Variants in DGKI observed in about 807,000 individuals in gnomAD.
DGKI encodes diacylglycerol kinase iota.
In DGKI, 55 loss-of-function variants were observed where a neutral mutation model predicts 147.5. That is an observed-to-expected ratio of 0.37 (90% CI 0.30 to 0.47). DGKI has a LOEUF of 0.47. Among genes scored for constraint, DGKI ranks in the 20% least tolerant of loss-of-function variants. The probability of loss-of-function intolerance (pLI) is 1.00; values close to 1 mark genes in which losing one functional copy is unlikely to be tolerated. For missense variants in DGKI, 1,007 were observed against 1,323.8 expected, an observed-to-expected ratio of 0.76 and a Z score of 3.71; for synonymous variants, 469 against 477.1, an observed-to-expected ratio of 0.98 and a Z score of 0.22.
intron 27 of DGKI, among the ~76,000 whole-genome samples, chr7:137,460,124 A>G (rs988043509): frequency 2.6e-5 from 4 of 152,140 alleles, no homozygotes; most frequent in Non-Finnish European, 4.4e-5. Flanking sequence ...CCCCAAGTTG[A>G]CTGGGGCTTT....
In DGKI at chr7:137,492,563, G is replaced by A. The variant is rs553569730; in HGVS notation, c.2249-4874C>T. On this transcript the variant is annotated intron_variant, in intron 21 of 32. Coordinates refer to ENST00000614521, the MANE Select transcript of DGKI (RefSeq NM_001321708.2). Reference sequence around the variant, plus strand: ...ACCATGGACTTATAGAATCCTGGCAGGAGGAGACCACAAGACCCCCACAGA... The same window carrying A: ...ACCATGGACTTATAGAATCCTGGCAAGAGGAGACCACAAGACCCCCACAGA... Among the ~76,000 whole-genome samples, 383 of 152,220 alleles carry A rather than the reference G, an allele frequency of 2.5e-3. 9 individuals are homozygous for A. The highest frequency in any genetic ancestry group is 3.1e-4 in the Non-Finnish European group (21 of 68,008).
intron 8 of DGKI, among the ~76,000 whole-genome samples, chr7:137,614,501 A>AT (rs1820466525): frequency 6.6e-6 from 1 of 152,160 alleles, no homozygotes; most frequent in African/African-American, 2.4e-5. Flanking sequence ...AAACACTGAC[A>AT]TTTGTAACTT....
At chr7:137,547,855 G>A (rs904047886) in intron 20 of DGKI, among the ~76,000 whole-genome samples, 7 of 152,320 alleles carry the variant, frequency 4.6e-5, no homozygotes, top group South Asian at 2.1e-4. Context: ...AGGAATAGTA[G>A]CATTTCAATG....
At chr7:137,708,499 A>C (rs1296098109) in intron 1 of DGKI, among the ~76,000 whole-genome samples, 1 of 152,190 alleles carries the variant, frequency 6.6e-6, no homozygotes, top group East Asian at 1.9e-4. Flanking sequence ...TCAGCTTTGG[A>C]ACTTGGTTGT....
intron 8 of DGKI, among the ~76,000 whole-genome samples, chr7:137,618,663 G>T (rs914671503): frequency 1.3e-5 from 2 of 151,992 alleles, no homozygotes; most frequent in African/African-American, 4.8e-5. Context: ...ATGTTAAAGA[G>T]ATTTAAAAAT....
chr7:137,637,219 G>A (rs146017632), intron 6 of DGKI, among the ~76,000 whole-genome samples: 1 of 152,090 alleles, frequency 6.6e-6, no homozygotes, highest in African/African-American at 2.4e-5. Context: ...CTTCCTTACC[G>A]GTGTCACTTC....
At chr7:137,634,725 G>C (rs963318074) in intron 6 of DGKI, among the ~76,000 whole-genome samples, 2 of 152,136 alleles carry the variant, frequency 1.3e-5, no homozygotes, top group Non-Finnish European at 2.9e-5. Flanking sequence ...ACTGAATGAC[G>C]AGCTCAAAGA....
chr7:137,671,750 T>C (rs1822849432), intron 3 of DGKI, among the ~76,000 whole-genome samples: 1 of 152,178 alleles, frequency 6.6e-6, no homozygotes, highest in Non-Finnish European at 1.5e-5. Flanking sequence ...CTCAATTCAT[T>C]CACTTTCTCA....
At chr7:137,656,142 T>C (rs1335554623) in intron 4 of DGKI, among the ~76,000 whole-genome samples, 1 of 152,242 alleles carries the variant, frequency 6.6e-6, no homozygotes, top group Non-Finnish European at 1.5e-5. Flanking sequence ...AAACAGCTTG[T>C]GGAACAGCCT....
At position 137,629,484 on chromosome 7, in the gene DGKI, C is replaced by T. The variant is rs889921224; in HGVS notation, c.805-5930G>A. The stretch of plus-strand genomic sequence containing the variant: ...GGTGTTTCAACATAATTGCTTCCAA[C>T]CCTCCGAAGTTGACAAACAACTGTG... On this transcript the variant is annotated intron_variant, in intron 6 of 32. Transcript: ENST00000614521. Among the ~76,000 whole-genome samples the T allele has an allele frequency of 1.3e-5, 2 of 152,206 alleles. 1 individual carries two copies. The highest frequency in any genetic ancestry group is 4.1e-4 in the South Asian group (2 of 4,830).
chr7:137,400,021 A>G (rs1435877709), intron 30 of DGKI, among the ~76,000 whole-genome samples: 2 of 152,172 alleles, frequency 1.3e-5, no homozygotes, highest in African/African-American at 4.8e-5. Context: ...GAAGTGTCCT[A>G]TTCTCTGTCC....
At chr7:137,552,609 T>C in intron 19 of DGKI, 41 bp from the exon 20 acceptor site, 2 of 1,604,708 alleles carry the variant, frequency 1.2e-6, no homozygotes, top group Non-Finnish European at 1.7e-6. Context: ...GAGTTAGTTA[T>C]TATTTAAGAA....
At chr7:137,492,928 G>C (rs1005627553) in intron 21 of DGKI, among the ~76,000 whole-genome samples, 8 of 152,138 alleles carry the variant, frequency 5.3e-5, no homozygotes, top group Non-Finnish European at 1.0e-4. Context: ...CAGCCCAGTG[G>C]CCTCTGCCAA....
At chr7:137,656,567 A>C in intron 3 of DGKI, 27 bp from the exon 4 acceptor site, 1 of 1,610,500 alleles carries the variant, frequency 6.2e-7, no homozygotes, top group South Asian at 1.1e-5. Flanking sequence ...AAAAGACAAA[A>C]AAGAAATGTT....
intron 28 of DGKI, among the ~76,000 whole-genome samples, chr7:137,434,900 C>T (rs952376424): frequency 1.3e-5 from 2 of 152,066 alleles, no homozygotes; most frequent in Non-Finnish European, 2.9e-5. Flanking sequence ...AGAAGGCTAA[C>T]TAAGAAAAAA....
At chr7:137,810,234 C>T (rs949491845) in intron 1 of DGKI, among the ~76,000 whole-genome samples, 1 of 152,176 alleles carries the variant, frequency 6.6e-6, no homozygotes. Flanking sequence ...CAAAACACTT[C>T]TATAATGCTA....
At chr7:137,719,411 C>A (rs946363083) in intron 1 of DGKI, among the ~76,000 whole-genome samples, 1 of 152,026 alleles carries the variant, frequency 6.6e-6, no homozygotes, top group African/African-American at 2.4e-5. Flanking sequence ...ATCTCCACGT[C>A]CCCCTGGAAC....
At chr7:137,565,381 C>A (rs1324835716) in intron 19 of DGKI, among the ~76,000 whole-genome samples, 1 of 152,008 alleles carries the variant, frequency 6.6e-6, no homozygotes, top group Non-Finnish European at 1.5e-5. Flanking sequence ...TGATAATTTA[C>A]TTTAATTCTT....
chr7:137,654,978 C>G (rs979696755), intron 4 of DGKI, among the ~76,000 whole-genome samples, 190 bp from the exon 5 acceptor site: 1 of 152,080 alleles, frequency 6.6e-6, no homozygotes, highest in African/African-American at 2.4e-5. Flanking sequence ...CCAGGTGATT[C>G]TATATCTCCA....
Sources: gnomAD v4.1 joint callset for allele counts (sites outside exome capture counted in the v4.1 genomes callset) on GRCh38, gnomAD v4.1.1 for gene constraint, MANE v1.5 for transcripts, NCBI Gene and HGNC (gene_info 2026-07-23, HGNC 2026-07-21) for gene names.